RYR2: variants seen among roughly 807,000 people sequenced by gnomAD.
RYR2 encodes cardiac muscle ryanodine receptor-calcium release channel.
RYR2 carries 227 observed loss-of-function variants against 601.1 expected under a neutral mutation model. That is an observed-to-expected ratio of 0.38 (90% CI 0.34 to 0.42). The LOEUF is 0.42. RYR2 is among the 10% of genes least tolerant of loss of function. RYR2 has a pLI of 1.00. For synonymous variants in RYR2, 2,223 were observed against 2,175.1 expected, an observed-to-expected ratio of 1.02 and a Z score of -0.61; for missense variants, 4,646 against 6,156.5, an observed-to-expected ratio of 0.75 and a Z score of 8.21.
Position 237,781,571 on chromosome 1 carries a change from A to C in RYR2, c.11887A>C (p.Ser3963Arg). 1 of 1,538,852 alleles carries C rather than the reference A, an allele frequency of 6.5e-7. No homozygotes were observed. Among genetic ancestry groups the C allele is most frequent in the Non-Finnish European group, 8.9e-7 (1 of 1,119,972 alleles). The change falls in exon 89 of 105, where the codon AGT becomes CGT. Residue 3963 changes from serine to arginine, a missense_variant. Ser to Arg is a moderately radical substitution (Grantham distance 110). This residue lies in a region of RYR2 where 90 missense variants were observed against 213.3 expected (regional missense o/e 0.42). Transcript: ENST00000366574. ...HMQMKLSQDS[S>R]QIELLKELMD... is the part of the protein sequence containing the mutation. ...GCAATGTTCATATTTTCAGGATTCCAGTCAAATTGAGCTATTAAAAGAATT... is the reference window on the plus strand; with the variant it reads ...GCAATGTTCATATTTTCAGGATTCCCGTCAAATTGAGCTATTAAAAGAATT...
chr1:237,050,114 C>T (rs1034481967), intron 1 of RYR2, among the ~76,000 whole-genome samples: 4 of 152,120 alleles, frequency 2.6e-5, no homozygotes, highest in Non-Finnish European at 4.4e-5. Flanking sequence ...CTTTCATGTT[C>T]GTTACCCAAG....
Position 237,530,455 on chromosome 1 carries a change from G to A in RYR2, c.2851G>A (p.Gly951Ser), listed in dbSNP as rs753353152. ...KTLLALGCHV[G>S]ISDEHAEDKV... is the part of the protein sequence containing the mutation. ...TTTGTTGGCATTAGGATGTCATGTG[G>A]GTATATCAGATGAACATGCTGAAGA... The change falls in exon 25 of 105, where the codon GGT becomes AGT. Residue 951 changes from glycine (G) to serine (S), a missense_variant. Gly to Ser is a moderately conservative substitution (Grantham distance 56). Coordinates refer to ENST00000366574, the MANE Select transcript of RYR2 (RefSeq NM_001035.3). 6.2e-7 allele frequency: 1 copy of A among 1,609,166 alleles called. No homozygotes were observed. Among genetic ancestry groups the A allele is most frequent in the South Asian group, 1.1e-5 (1 of 89,658 alleles).
At position 237,048,997 on chromosome 1, in the gene RYR2, G is replaced by A. The variant is rs1229734037; in HGVS notation, c.48+6428G>A. On this transcript the variant is annotated intron_variant, in intron 1 of 104. Transcript: ENST00000366574. The stretch of plus-strand genomic sequence containing the variant: ...GGTAAGATCTCTTCTGGAAGCAGAA[G>A]AGTAGGAGTGTTGGTGGGTGAAATT... Among the ~76,000 whole-genome samples, 3 of 152,216 alleles carry A rather than the reference G, an allele frequency of 2.0e-5. No individual in the cohort carries two copies. The East Asian group carries it at 5.8e-4, about 29-fold the overall frequency.
At chr1:237,114,458 G>A (rs906799010) in intron 1 of RYR2, among the ~76,000 whole-genome samples, 1 of 152,308 alleles carries the variant, frequency 6.6e-6, no homozygotes, top group South Asian at 2.1e-4. Flanking sequence ...AATTAAAGAA[G>A]TTTGTATTTC....
At chr1:237,112,973 C>A (rs72764044) in intron 1 of RYR2, among the ~76,000 whole-genome samples, 2 of 152,064 alleles carry the variant, frequency 1.3e-5, no homozygotes, top group Non-Finnish European at 2.9e-5. Flanking sequence ...ATAAGCTTCA[C>A]GGAACCTCAA....
intron 2 of RYR2, among the ~76,000 whole-genome samples, chr1:237,308,110 AG>A (rs1434136360): frequency 6.6e-6 from 1 of 152,222 alleles, no homozygotes; most frequent in African/African-American, 2.4e-5. Context: ...ATTATGGTTA[AG>A]GGAAAAAATT....
chr1:237,237,634 T>C (rs1323389113), intron 1 of RYR2, among the ~76,000 whole-genome samples: 3 of 152,108 alleles, frequency 2.0e-5, no homozygotes, highest in East Asian at 3.9e-4. Flanking sequence ...CTGAAAGAAA[T>C]TGAAGCATCT....
At chr1:237,778,918 CT>C in intron 88 of RYR2, 148 bp downstream of exon 88, 1 of 507,666 alleles carries the variant, frequency 2.0e-6, no homozygotes, top group Admixed American at 3.4e-5. Flanking sequence ...TATCATGCCT[CT>C]TTTGCTCATT....
In RYR2 at chr1:237,807,816, A is replaced by G. The variant is rs1254916663; in HGVS notation, c.14299-1085A>G. Among the ~76,000 whole-genome samples, 7 of 152,334 alleles carry G rather than the reference A, an allele frequency of 4.6e-5. No individual in the cohort carries two copies. The East Asian group carries it at 1.3e-3, about 29-fold the overall frequency. On this transcript the variant is annotated intron_variant, in intron 99 of 104. Transcript: ENST00000366574. ...TATAAAGTGATTTTGTAAAGACTTA[A>G]TCAGCATAAGCAGTTGCAGTCAAGA...
At chr1:237,380,590 T>C (rs1046006185) in intron 8 of RYR2, among the ~76,000 whole-genome samples, 1 of 150,860 alleles carries the variant, frequency 6.6e-6, no homozygotes, top group African/African-American at 2.4e-5. Context: ...GAATGGCACA[T>C]AAAAATTATT....
intron 2 of RYR2, among the ~76,000 whole-genome samples, chr1:237,292,948 A>G (rs1692387832): frequency 6.6e-6 from 1 of 152,038 alleles, no homozygotes; most frequent in Non-Finnish European, 1.5e-5. Context: ...CATAAAACTT[A>G]TGCTCAAAGT....
At chr1:237,177,416 C>G (rs1212784106) in intron 1 of RYR2, among the ~76,000 whole-genome samples, 1 of 152,232 alleles carries the variant, frequency 6.6e-6, no homozygotes, top group Non-Finnish European at 1.5e-5. Flanking sequence ...TTCCTGATCA[C>G]AATTCCTACT....
chr1:237,374,280 G>A (rs1235652612), intron 6 of RYR2, among the ~76,000 whole-genome samples: 1 of 152,016 alleles, frequency 6.6e-6, no homozygotes, highest in Non-Finnish European at 1.5e-5. Flanking sequence ...CCGGCACCTT[G>A]GGAAGTGGAG....
intron 87 of RYR2, 123 bp downstream of exon 87, chr1:237,773,771 T>C (rs961604013): frequency 1.5e-5 from 11 of 721,326 alleles, no homozygotes; most frequent in Non-Finnish European, 2.2e-5. Context: ...ATTGCTACAA[T>C]TAAAATATTA....
At chr1:237,816,490 A>G (rs1661841844) in intron 100 of RYR2, among the ~76,000 whole-genome samples, 1 of 152,106 alleles carries the variant, frequency 6.6e-6, no homozygotes, top group Non-Finnish European at 1.5e-5. Context: ...GTTGTTCGAG[A>G]CCAGCCTGGC....
At chr1:237,740,688 A>G (rs990695344) in intron 79 of RYR2, among the ~76,000 whole-genome samples, 3 of 152,190 alleles carry the variant, frequency 2.0e-5, no homozygotes, top group Non-Finnish European at 4.4e-5. Context: ...GTAAAATTTC[A>G]TATCCTTGAG....
At chr1:237,401,118 G>A (rs1364890770) in intron 10 of RYR2, among the ~76,000 whole-genome samples, 1 of 152,162 alleles carries the variant, frequency 6.6e-6, no homozygotes, top group Non-Finnish European at 1.5e-5. Flanking sequence ...GCCCTCGTCT[G>A]TCAATTCTGC....
intron 79 of RYR2, among the ~76,000 whole-genome samples, chr1:237,737,984 C>T (rs563150041): frequency 1.4e-4 from 21 of 152,226 alleles, no homozygotes; most frequent in East Asian, 3.9e-4. Context: ...AACTTCCTAG[C>T]GGGTAGTTTT....
At position 237,724,342 on chromosome 1, in the gene RYR2, A is replaced by G. The variant is rs571719689; in HGVS notation, c.10689+1080A>G. ...AACATTTTGCTTGTATTCCTGTTTT[A>G]TATTATCTGAACCCTCACCCCTGCC... is the stretch of plus-strand genomic sequence containing the variant. On this transcript the variant is annotated intron_variant, in intron 74 of 104. Coordinates refer to ENST00000366574, the MANE Select transcript of RYR2 (RefSeq NM_001035.3). 4.1e-3 allele frequency among the ~76,000 whole-genome samples: 153 copies of G among 37,164 alleles called. 1 individual carries two copies. Among genetic ancestry groups the G allele is most frequent in the African/African-American group, 5.6e-3 (124 of 22,310 alleles). The allele number at this position is 37,164 out of a possible 152,430, so 24.4% of individuals were successfully genotyped here. A position where few individuals can be genotyped will look rare whatever the true frequency, so the allele number is the denominator to read the frequency against.
Sources: allele counts gnomAD v4.1 joint callset (sites outside exome capture counted in the v4.1 genomes callset), GRCh38; gene constraint gnomAD v4.1.1; regional missense constraint gnomAD v4.1.1; transcripts MANE v1.5; gene names NCBI Gene and HGNC (gene_info 2026-07-23, HGNC 2026-07-21).